The following SYCE1 variants were observed in gnomAD, a reference collection of about 807,000 sequenced individuals.
The protein encoded by SYCE1 is cancer/testis antigen 76.
SYCE1 carries 37 observed loss-of-function variants against 55.1 expected under a neutral mutation model. The ratio of observed to expected loss-of-function variants is 0.67; its 90% CI spans 0.52 to 0.88. The LOEUF (loss-of-function observed/expected upper bound fraction) is 0.88, where lower values mean the gene tolerates loss of function less well. Among genes scored for constraint, SYCE1 ranks in the 40% least tolerant of loss-of-function variants. The pLI is 0.00. For missense variants in SYCE1, 399 were observed against 416.4 expected (o/e 0.96, Z 0.36); for synonymous variants, 163 against 159.4 (o/e 1.02, Z -0.17).
upstream of SYCE1, among the ~76,000 whole-genome samples, chr10:133,566,825 TA>T (rs1851950894): frequency 1.7e-5 from 2 of 117,318 alleles, no homozygotes; most frequent in Admixed American, 9.2e-5. Flanking sequence ...ACAGTTGGGT[TA>T]AGGGTTAGGG....
In SYCE1 at chr10:133,554,982, CT is replaced by C. The variant is rs1417488486; in HGVS notation, c.*9del. On this transcript the variant is annotated 3_prime_UTR_variant, in exon 13 of 13. Transcript: ENST00000343131. ...CTGACCCCTACTCCTCACCAGTAGACTTAGCTGTATCAAAATAGCTCCTTTA... is the reference window on the plus strand; with the variant it reads ...CTGACCCCTACTCCTCACCAGTAGACTAGCTGTATCAAAATAGCTCCTTTA... 3 of 1,526,880 alleles carry C rather than the reference CT, an allele frequency of 2.0e-6. No individual in the cohort carries two copies. Among genetic ancestry groups the C allele is most frequent in the Admixed American group, 2.1e-5 (1 of 47,850 alleles). The allele number at this position is 1,526,880 out of a possible 1,614,324, so 94.6% of individuals were successfully genotyped here.
At chr10:133,563,906 A>G (rs1486969727) in intron 1 of SYCE1, among the ~76,000 whole-genome samples, 1 of 152,184 alleles carries the variant, frequency 6.6e-6, no homozygotes, top group African/African-American at 2.4e-5. Context: ...TCCCCTTTCT[A>G]GTAATAACTG....
chr10:133,557,178 T>A (rs759655197), intron 6 of SYCE1, 22 bp from the exon 7 acceptor site: 111 of 1,606,856 alleles, frequency 6.9e-5, no homozygotes, highest in Non-Finnish European at 9.4e-5. Context: ...GAGGCAGCCC[T>A]CAGCCATGTT....
At chr10:133,555,563 G>C in intron 11 of SYCE1, 34 bp downstream of exon 11, 1 of 1,602,386 alleles carries the variant, frequency 6.2e-7, no homozygotes, top group Non-Finnish European at 8.5e-7. Context: ...CATCTTCCTG[G>C]TGGGGGTTGC....
At chr10:133,554,371 C>T (rs769085425), downstream of SYCE1, 1 of 1,591,542 alleles carries the variant, frequency 6.3e-7, no homozygotes, top group Non-Finnish European at 8.6e-7. Context: ...TCAATGCATT[C>T]TGACTCAGGA....
chr10:133,564,026 T>C (rs1243342461), intron 1 of SYCE1, among the ~76,000 whole-genome samples: 1 of 152,070 alleles, frequency 6.6e-6, no homozygotes, highest in Non-Finnish European at 1.5e-5. Context: ...AAAACTGGAA[T>C]CTTGTCCTTT....
intron 5 of SYCE1, 122 bp downstream of exon 5, chr10:133,558,045 G>A: frequency 1.3e-6 from 2 of 1,517,818 alleles, no homozygotes; most frequent in Admixed American, 1.8e-5. Flanking sequence ...TACATGTCTG[G>A]TGGAAGCCAC....
chr10:133,556,658 T>C, intron 8 of SYCE1, 101 bp downstream of exon 8: 2 of 1,256,436 alleles, frequency 1.6e-6, no homozygotes, highest in South Asian at 1.3e-5. Context: ...CAGGGCTTGC[T>C]TGGCGACTGG....
intron 6 of SYCE1, 137 bp downstream of exon 6, chr10:133,557,727 G>A: frequency 1.0e-6 from 1 of 970,816 alleles, no homozygotes; most frequent in East Asian, 2.6e-5. Flanking sequence ...AGCCGAAGGG[G>A]AAAGACATTC....
chr10:133,556,715 T>C, intron 8 of SYCE1, 44 bp downstream of exon 8: 1 of 1,546,294 alleles, frequency 6.5e-7, no homozygotes, highest in Non-Finnish European at 8.8e-7. Flanking sequence ...CTGGTGCTGC[T>C]AGGGAAGATG....
At chr10:133,568,164 G>A, upstream of SYCE1, 2 of 934,188 alleles carry the variant, frequency 2.1e-6, no homozygotes, top group Non-Finnish European at 3.3e-6. Flanking sequence ...CCGCCCGTGG[G>A]TCCAGCGCCC....
Position 133,556,773 on chromosome 10 carries a change from G to A in SYCE1, c.514C>T (p.Leu172Phe), listed in dbSNP as rs1395292011. 2 of 1,568,296 alleles carry A rather than the reference G, an allele frequency of 1.3e-6. No homozygotes were observed. The highest frequency in any genetic ancestry group is 1.4e-5 in the African/African-American group (1 of 73,598). Residue 172 changes from leucine to phenylalanine, a missense_variant, in exon 8 of 13, where the codon CTC becomes TTC. Transcript: ENST00000343131. ...LEDLMGQHKD[L>F]WDFHMPERLA... is the part of the protein sequence containing the mutation. ...GAGGGACTCACGTGGAAGTCCCAGAGGTCCTTGTGCTGGCCCATCAGATCT... is the reference window on the plus strand; with the variant it reads ...GAGGGACTCACGTGGAAGTCCCAGAAGTCCTTGTGCTGGCCCATCAGATCT...
rs1564855184 is a variant in SYCE1 at position 133,555,808 on chromosome 10, G to C, written c.691C>G (p.Leu231Val). 1 of 1,613,536 alleles carries C rather than the reference G, an allele frequency of 6.2e-7. No individual in the cohort carries two copies. Among genetic ancestry groups the C allele is most frequent in the Non-Finnish European group, 8.5e-7 (1 of 1,179,996 alleles). Residue 231 changes from leucine (L) to valine (V), a missense_variant, in exon 10 of 13, where the codon CTC (leucine) becomes GTC (valine). Physicochemically the swap from Leu to Val is conservative, Grantham distance 32. Coordinates refer to ENST00000343131, the MANE Select transcript of SYCE1 (RefSeq NM_001143764.3). ...GPSTLDEGLF[L>V]RSQEAAATVQ... The stretch of plus-strand genomic sequence containing the variant: ...GTGGCTGCAGCCTCCTGGCTGCGGA[G>C]AAAGAGTCCCTCATCAAGGGTGGAG...
In SYCE1 at chr10:133,556,022, A is replaced by C. The variant is rs759804610; in HGVS notation, c.554T>G (p.Ile185Ser). 6.2e-6 allele frequency: 10 copies of C among 1,613,858 alleles called. No homozygotes were observed. The highest frequency in any genetic ancestry group is 8.5e-6 in the Non-Finnish European group (10 of 1,180,016). ...CTCCTTGCTGCTGTCCAGGGCACAAATCTCCTTTGCCAGCCGCTCTGGCAT... is the reference window on the plus strand; with the variant it reads ...CTCCTTGCTGCTGTCCAGGGCACAACTCTCCTTTGCCAGCCGCTCTGGCAT... Reference protein sequence around the residue: ...FHMPERLAKEICALDSSKEQL... With the variant: ...FHMPERLAKESCALDSSKEQL... The change falls in exon 9 of 13, where the codon ATT becomes AGT. Residue 185 changes from isoleucine (I) to serine (S), a missense_variant. Physicochemically the swap from Ile to Ser is moderately radical, Grantham distance 142. Transcript: ENST00000343131.
At chr10:133,565,001 C>G (rs1589972634) in intron 1 of SYCE1, among the ~76,000 whole-genome samples, 1 of 124,644 alleles carries the variant, frequency 8.0e-6, no homozygotes, top group African/African-American at 2.7e-5. Flanking sequence ...GAGTCGGCCT[C>G]CCCCGGCTCC....
intron 4 of SYCE1, 96 bp from the exon 5 acceptor site, chr10:133,558,310 T>C: frequency 7.0e-7 from 1 of 1,430,604 alleles, no homozygotes; most frequent in South Asian, 1.2e-5. Flanking sequence ...GGGCACAGCC[T>C]TGGCCCCAAC....
intron 6 of SYCE1, chr10:133,557,446 C>A: frequency 2.0e-6 from 1 of 502,096 alleles, no homozygotes; most frequent in Non-Finnish European, 3.5e-6. Flanking sequence ...CCTGGGGCCT[C>A]TGGTAACAAA....
rs3737029 is a variant in SYCE1 at position 133,554,948 on chromosome 10, A to G, written c.*44T>C. 0.11 allele frequency: 157,992 copies of G among 1,489,448 alleles called. 9,802 individuals are homozygous for G. Among genetic ancestry groups the G allele is most frequent in the East Asian group, 0.27 (10,750 of 40,344 alleles). 92.3% of individuals were successfully genotyped at this position (1,489,448 alleles called of 1,614,324 possible). On this transcript the variant is annotated 3_prime_UTR_variant, in exon 13 of 13. Transcript: ENST00000343131. ...TTCAATCAGTCACAGGAGACTGGGGATCTTGGGCCTGACCCCTACTCCTCA... is the reference window on the plus strand; with the variant it reads ...TTCAATCAGTCACAGGAGACTGGGGGTCTTGGGCCTGACCCCTACTCCTCA...
chr10:133,565,435 G>C, intron 1 of SYCE1, 22 bp downstream of exon 1: 1 of 1,543,704 alleles, frequency 6.5e-7, no homozygotes, highest in Middle Eastern at 1.7e-4. Context: ...CTCACGCACA[G>C]TTCCCTGCCT....
Sources: gnomAD v4.1 joint callset for allele counts (sites outside exome capture counted in the v4.1 genomes callset) on GRCh38, gnomAD v4.1.1 for gene constraint, MANE v1.5 for transcripts, NCBI Gene and HGNC (gene_info 2026-07-23, HGNC 2026-07-21) for gene names.